Variants in SH3RF2 observed in about 807,000 individuals in gnomAD.
SH3RF2 encodes SH3 domain containing ring finger 2.
Under a neutral mutation model 59.0 loss-of-function variants are expected in SH3RF2, and 43 were observed. The ratio of observed to expected loss-of-function variants is 0.73; its 90% CI spans 0.57 to 0.94. SH3RF2 has a LOEUF of 0.94. Among genes scored for constraint, SH3RF2 ranks in the 40% least tolerant of loss-of-function variants. The pLI is 0.00. For synonymous variants in SH3RF2, 391 were observed against 391.5 expected (o/e 1.00, Z 0.01); for missense variants, 930 against 940.1 (o/e 0.99, Z 0.14).
intron 2 of SH3RF2, among the ~76,000 whole-genome samples, chr5:145,964,587 G>C (rs369344665): frequency 6.6e-6 from 1 of 152,246 alleles, no homozygotes; most frequent in East Asian, 1.9e-4. Context: ...GATTACGGGC[G>C]TGAGCCACCA....
At chr5:145,974,328 G>T (rs73312152) in intron 2 of SH3RF2, among the ~76,000 whole-genome samples, 12,936 of 151,992 alleles carry the variant, frequency 0.085, 1,875 homozygotes, top group African/African-American at 0.3. Context: ...ATGTTCCATT[G>T]ATTAGAAACA....
intron 9 of SH3RF2, among the ~76,000 whole-genome samples, chr5:146,077,016 A>G (rs1019198705): frequency 6.6e-6 from 1 of 152,188 alleles, no homozygotes; most frequent in African/African-American, 2.4e-5. Flanking sequence ...GATGAAAGAA[A>G]ATTGGACAGG....
Position 145,997,856 on chromosome 5 carries a change from G to A in SH3RF2, c.379-2202G>A, listed in dbSNP as rs2149981763. Reference sequence around the variant, plus strand: ...TACCTGCAAAAACAACTCACATCTTGAAATGCTCAGTGCCCTTGCCAACAG... The same window carrying A: ...TACCTGCAAAAACAACTCACATCTTAAAATGCTCAGTGCCCTTGCCAACAG... On this transcript the variant is annotated intron_variant, in intron 2 of 9. Transcript: ENST00000359120. The A allele has an allele frequency of 5.0e-6, 6 of 1,189,990 alleles. No homozygotes were observed. In the South Asian group the frequency reaches 6.0e-5, roughly 12 times the overall value. 73.7% of individuals were successfully genotyped at this position (1,189,990 alleles called of 1,614,324 possible).
At chr5:146,076,251 C>T (rs149661133) in intron 9 of SH3RF2, among the ~76,000 whole-genome samples, 1 of 152,248 alleles carries the variant, frequency 6.6e-6, no homozygotes, top group Non-Finnish European at 1.5e-5. Flanking sequence ...GATGCAGATG[C>T]TGTAATCTGG....
At chr5:146,061,461 T>G (rs1051619349) in intron 9 of SH3RF2, among the ~76,000 whole-genome samples, 1 of 152,194 alleles carries the variant, frequency 6.6e-6, no homozygotes, top group African/African-American at 2.4e-5. Flanking sequence ...AGCTTTTAGA[T>G]ACAACTATAA....
Position 145,938,057 on chromosome 5 carries a change from C to T in SH3RF2, c.129C>T (p.Ala43=), listed in dbSNP as rs764375433. The T allele has an allele frequency of 9.3e-6, 15 of 1,614,076 alleles. No individual in the cohort carries two copies. Among genetic ancestry groups the T allele is most frequent in the Admixed American group, 1.7e-5 (1 of 60,010 alleles). ...CKPCLQRVFK[A]HKELRCPECR... ...CATGTCTACAGAGGGTTTTCAAGGC[C>T]CACAAAGAGCTGCGGTGCCCCGAAT... is the stretch of plus-strand genomic sequence containing the variant. The change falls in exon 2 of 10, where the codon GCC becomes GCT. Residue 43 remains alanine (A), a synonymous_variant. Transcript: ENST00000359120.
intron 5 of SH3RF2, among the ~76,000 whole-genome samples, chr5:146,029,287 C>T (rs114671505): frequency 7.4e-4 from 112 of 152,250 alleles, no homozygotes; most frequent in African/African-American, 2.6e-3. Flanking sequence ...GGCTGTCTTC[C>T]GGGCCCATGC....
At chr5:146,030,392 GGA>G (rs1395928553) in intron 5 of SH3RF2, among the ~76,000 whole-genome samples, 1 of 152,176 alleles carries the variant, frequency 6.6e-6, no homozygotes, top group Non-Finnish European at 1.5e-5. Context: ...ACTGGAGCAC[GGA>G]GAGAGTTTAC....
intron 2 of SH3RF2, among the ~76,000 whole-genome samples, chr5:145,953,908 A>G (rs932997941): frequency 6.6e-6 from 1 of 152,164 alleles, no homozygotes; most frequent in Non-Finnish European, 1.5e-5. Flanking sequence ...TTATGGTTGC[A>G]TAGTATTTCA....
Position 145,981,924 on chromosome 5 carries a change from T to G in SH3RF2, c.379-18134T>G, listed in dbSNP as rs150452506. 4.0e-3 allele frequency among the ~76,000 whole-genome samples: 607 copies of G among 152,330 alleles called. 4 individuals carry two copies. The highest frequency in any genetic ancestry group is 0.014 in the African/African-American group (575 of 41,574). On this transcript the variant is annotated intron_variant, in intron 2 of 9. Transcript: ENST00000359120. ...TCCTCTGATAATTGTTAAATTATTT[T>G]TTCTCATATGCACTCAAGAACAAAG... is the stretch of plus-strand genomic sequence containing the variant.
chr5:145,985,246 T>G (rs1314985848), intron 2 of SH3RF2, among the ~76,000 whole-genome samples: 1 of 152,278 alleles, frequency 6.6e-6, no homozygotes, highest in Non-Finnish European at 1.5e-5. Context: ...ACAAGGGTCA[T>G]GCTAGGCTTT....
chr5:146,041,260 G>A (rs2150010300), intron 5 of SH3RF2, among the ~76,000 whole-genome samples: 1 of 152,320 alleles, frequency 6.6e-6, no homozygotes, highest in Admixed American at 6.5e-5. Context: ...TGGAGGTCCA[G>A]GCAAGCCTCT....
intron 2 of SH3RF2, among the ~76,000 whole-genome samples, chr5:145,954,336 T>C (rs919459560): frequency 2.0e-5 from 3 of 152,258 alleles, no homozygotes; most frequent in Non-Finnish European, 4.4e-5. Flanking sequence ...TATATGCTTG[T>C]TGGATGCATT....
chr5:145,980,070 C>T (rs1263950989), intron 2 of SH3RF2, among the ~76,000 whole-genome samples: 1 of 152,132 alleles, frequency 6.6e-6, no homozygotes, highest in African/African-American at 2.4e-5. Context: ...CTGAAACGTG[C>T]CCTACTTTGG....
At chr5:146,016,475 C>G (rs1761111360) in intron 5 of SH3RF2, among the ~76,000 whole-genome samples, 1 of 152,008 alleles carries the variant, frequency 6.6e-6, no homozygotes, top group African/African-American at 2.4e-5. Context: ...ATAGAAAAGT[C>G]TCCTTTTACT....
chr5:146,062,424 A>T lies in SH3RF2; in HGVS notation c.1915-2A>T, dbSNP rs781516772. On this transcript the variant is annotated splice_acceptor_variant, in intron 9 of 9. Transcript: ENST00000359120. LOFTEE classifies it high-confidence loss of function. ...GTCCATTTCCTCTCCTTTCTCTTGCAGCAAGTCAAAACCGTGAGATTTCAG... is the reference window on the plus strand; with the variant it reads ...GTCCATTTCCTCTCCTTTCTCTTGCTGCAAGTCAAAACCGTGAGATTTCAG... 1 of 1,613,050 alleles carries T rather than the reference A, an allele frequency of 6.2e-7. No individual in the cohort carries two copies.
At chr5:146,055,902 T>C (rs1762647117) in intron 7 of SH3RF2, 79 bp from the exon 8 acceptor site, 5 of 1,483,500 alleles carry the variant, frequency 3.4e-6, no homozygotes, top group Non-Finnish European at 3.6e-6. Flanking sequence ...TGGGAGCTGA[T>C]AGGTTTTTAA....
chr5:146,015,808 G>A (rs554644930), intron 5 of SH3RF2, among the ~76,000 whole-genome samples: 2 of 152,306 alleles, frequency 1.3e-5, no homozygotes, highest in East Asian at 1.9e-4. Context: ...TCACACATCC[G>A]ATGACCAGGG....
In SH3RF2 at chr5:146,009,039, C is replaced by T. The variant is rs559398906; in HGVS notation, c.745-4708C>T. On this transcript the variant is annotated intron_variant, in intron 4 of 9. Coordinates refer to ENST00000359120, the MANE Select transcript of SH3RF2 (RefSeq NM_152550.4). ...TTGTTCATTCACCTCGTGAAAGACA[C>T]TGGAGTTGTTTTCCAGTTGTTGGCA... Among the ~76,000 whole-genome samples, 15 of 152,292 alleles carry T rather than the reference C, an allele frequency of 9.8e-5. 3 individuals carry two copies. The highest frequency in any genetic ancestry group is 3.6e-4 in the African/African-American group (15 of 41,554).
Sources: gnomAD v4.1 joint callset for allele counts (sites outside exome capture counted in the v4.1 genomes callset) on GRCh38, gnomAD v4.1.1 for gene constraint, MANE v1.5 for transcripts, NCBI Gene and HGNC (gene_info 2026-07-23, HGNC 2026-07-21) for gene names.